PSD3: variants seen among roughly 807,000 people sequenced by gnomAD.
The protein encoded by PSD3 is PH and SEC7 domain-containing protein 3.
PSD3 carries 49 observed loss-of-function variants against 105.5 expected under a neutral mutation model. The observed-to-expected ratio is 0.46, with a 90% CI of 0.37 to 0.59. The LOEUF is 0.59. Among genes scored for constraint, PSD3 ranks in the 20% least tolerant of loss-of-function variants. The pLI, the probability that PSD3 is intolerant of heterozygous loss-of-function variation, is 0.00. For missense variants in PSD3, 1,561 were observed against 1,263.8 expected, an observed-to-expected ratio of 1.24 and a Z score of -3.57; for synonymous variants, 557 against 457.8, an observed-to-expected ratio of 1.22 and a Z score of -2.77.
intron 9 of PSD3, among the ~76,000 whole-genome samples, chr8:18,660,577 T>C (rs1055765196): frequency 1.3e-5 from 2 of 152,212 alleles, no homozygotes. Flanking sequence ...CACAGTGGTC[T>C]TATCTAAAGA....
intron 1 of PSD3, among the ~76,000 whole-genome samples, chr8:18,977,455 A>ACT (rs1402272551): frequency 1.1e-4 from 17 of 152,220 alleles, no homozygotes; most frequent in Admixed American, 9.8e-4. Context: ...CCCCTGGCAT[A>ACT]TAGTCAGCAG....
intron 9 of PSD3, among the ~76,000 whole-genome samples, chr8:18,669,650 C>T (rs1316096818): frequency 6.6e-6 from 1 of 152,302 alleles, no homozygotes; most frequent in African/African-American, 2.4e-5. Flanking sequence ...CATCGCACTA[C>T]GCCGGATGGC....
intron 15 of PSD3, among the ~76,000 whole-genome samples, chr8:18,552,064 A>G (rs950992695): frequency 6.6e-6 from 1 of 152,202 alleles, no homozygotes; most frequent in Non-Finnish European, 1.5e-5. Context: ...ATACAGTATT[A>G]TGTTGGCCAA....
intron 12 of PSD3, among the ~76,000 whole-genome samples, chr8:18,578,199 C>T (rs898627212): frequency 3.3e-5 from 5 of 151,984 alleles, no homozygotes; most frequent in Admixed American, 2.6e-4. Flanking sequence ...GGATTTTTTG[C>T]TAGGCTATGC....
In PSD3 at chr8:19,077,862, T is replaced by C. The variant is rs542382539; in HGVS notation, c.324+6344A>G. 3.3e-5 allele frequency among the ~76,000 whole-genome samples: 5 copies of C among 152,300 alleles called. No homozygotes were observed. In the South Asian group the frequency reaches 6.2e-4, roughly 19 times the overall value. On this transcript the variant is annotated intron_variant, in intron 1 of 1. Coordinates refer to the PSD3 transcript ENST00000521475. ...GGGCATGTGGCTAATCTCCACCTTT[T>C]TGGTGTTCTGACTTCTGGAATACTG...
At chr8:18,586,740 AC>A (rs1197108095) in intron 12 of PSD3, among the ~76,000 whole-genome samples, 1 of 151,788 alleles carries the variant, frequency 6.6e-6, no homozygotes, top group Admixed American at 6.6e-5. Context: ...AGGCAGTACT[AC>A]CCCCCTCATT....
intron 8 of PSD3, 103 bp downstream of exon 8, chr8:18,799,192 T>A (rs1810464681): frequency 9.8e-7 from 1 of 1,018,392 alleles, no homozygotes. Context: ...GGGAACCATG[T>A]AGAGAATGGG....
At chr8:18,918,849 T>TC (rs1417323078) in intron 2 of PSD3, among the ~76,000 whole-genome samples, 1 of 152,070 alleles carries the variant, frequency 6.6e-6, no homozygotes, top group Non-Finnish European at 1.5e-5. Context: ...CGTGCCCCTT[T>TC]CCCTGGTTCC....
Position 18,528,791 on chromosome 8 carries a change from T to C in PSD3, c.*6952A>G, listed in dbSNP as rs1462597034. ...AGTGAAACTCCAAAATTCTCTCCATTAACCAACATTTTCAGGAATTGAAGT... is the reference window on the plus strand; with the variant it reads ...AGTGAAACTCCAAAATTCTCTCCATCAACCAACATTTTCAGGAATTGAAGT... On this transcript the variant is annotated 3_prime_UTR_variant, in exon 16 of 16. Transcript: ENST00000327040. 1 of 152,678 alleles carries C rather than the reference T, an allele frequency of 6.5e-6. No homozygotes were observed. Among genetic ancestry groups the C allele is most frequent in the African/African-American group, 2.4e-5 (1 of 41,456 alleles). 9.5% of individuals were successfully genotyped at this position (152,678 alleles called of 1,614,324 possible).
chr8:18,572,944 C>G (rs569579842), intron 13 of PSD3, among the ~76,000 whole-genome samples: 1 of 151,988 alleles, frequency 6.6e-6, no homozygotes, highest in Non-Finnish European at 1.5e-5. Context: ...TTGATTAAAC[C>G]CCTACTTTCT....
intron 1 of PSD3, among the ~76,000 whole-genome samples, chr8:19,053,030 A>G (rs1271170118): frequency 1.3e-5 from 2 of 152,144 alleles, no homozygotes; most frequent in Non-Finnish European, 2.9e-5. Context: ...CTTTGGCCAC[A>G]CAGGTAAATT....
intron 9 of PSD3, among the ~76,000 whole-genome samples, chr8:18,700,763 G>T (rs1056236819): frequency 2.0e-5 from 3 of 151,838 alleles, no homozygotes; most frequent in Admixed American, 2.0e-4. Flanking sequence ...TTCCGTCTAG[G>T]GGTAAGCAAA....
chr8:18,808,384 G>C (rs1023159430), intron 4 of PSD3, among the ~76,000 whole-genome samples: 1 of 152,100 alleles, frequency 6.6e-6, no homozygotes, highest in Non-Finnish European at 1.5e-5. Flanking sequence ...GCCCAATTTT[G>C]TTCAAATACA....
intron 8 of PSD3, among the ~76,000 whole-genome samples, chr8:18,796,850 A>G (rs1290953968): frequency 2.0e-5 from 3 of 152,204 alleles, no homozygotes; most frequent in Admixed American, 6.6e-5. Flanking sequence ...GCATCGGATC[A>G]AGTAATGGGT....
intron 2 of PSD3, among the ~76,000 whole-genome samples, chr8:18,910,387 A>G (rs1351966993): frequency 7.9e-6 from 1 of 126,242 alleles, no homozygotes; most frequent in Non-Finnish European, 1.6e-5. Context: ...TATCGCAAGA[A>G]CAAAAAACCA....
chr8:18,887,345 T>C (rs1248886270), intron 2 of PSD3, among the ~76,000 whole-genome samples: 1 of 152,204 alleles, frequency 6.6e-6, no homozygotes, highest in African/African-American at 2.4e-5. Flanking sequence ...ATCTTGTTCC[T>C]GTGATTAAAT....
chr8:18,925,876 A>G (rs962288275), intron 2 of PSD3, among the ~76,000 whole-genome samples: 4 of 152,218 alleles, frequency 2.6e-5, no homozygotes, highest in Admixed American at 2.6e-4. Context: ...CTCAAAAAAC[A>G]AAACCACGTA....
At chr8:18,577,767 T>C (rs970967251) in intron 12 of PSD3, among the ~76,000 whole-genome samples, 4 of 152,116 alleles carry the variant, frequency 2.6e-5, no homozygotes, top group East Asian at 1.9e-4. Flanking sequence ...TCTTGTGTTA[T>C]GCATTTTCTG....
At chr8:19,009,070 C>A (rs1288451241) in intron 1 of PSD3, among the ~76,000 whole-genome samples, 1 of 152,114 alleles carries the variant, frequency 6.6e-6, no homozygotes, top group Admixed American at 6.5e-5. Context: ...ATTGTGAATT[C>A]CAATTAATGA....
Sources: allele counts gnomAD v4.1 joint callset (sites outside exome capture counted in the v4.1 genomes callset), GRCh38; gene constraint gnomAD v4.1.1; transcripts MANE v1.5; gene names NCBI Gene and HGNC (gene_info 2026-07-23, HGNC 2026-07-21).